CALCRL: variants seen among roughly 807,000 people sequenced by gnomAD.
CALCRL encodes calcitonin receptor like receptor.
A neutral mutation model predicts 60.4 loss-of-function variants in CALCRL; 27 were observed. The ratio of observed to expected loss-of-function variants is 0.45; its 90% CI spans 0.33 to 0.62. The LOEUF (loss-of-function observed/expected upper bound fraction) is 0.62. Among genes scored for constraint, CALCRL ranks in the 20% least tolerant of loss-of-function variants. CALCRL has a pLI of 0.03. For missense variants in CALCRL, 424 were observed against 540.7 expected (o/e 0.78, Z 2.14); for synonymous variants, 190 against 182.6 (o/e 1.04, Z -0.33).
chr2:187,437,026 A>T (rs1306782265), intron 1 of CALCRL, among the ~76,000 whole-genome samples: 1 of 152,102 alleles, frequency 6.6e-6, no homozygotes, highest in Non-Finnish European at 1.5e-5. Context: ...GTTTGGATAT[A>T]CTTTGTTCTG....
intron 1 of CALCRL, among the ~76,000 whole-genome samples, chr2:187,422,721 G>A (rs1030906082): frequency 6.6e-6 from 1 of 151,772 alleles, no homozygotes; most frequent in East Asian, 1.9e-4. Flanking sequence ...ACATTGTGTT[G>A]CTGATAACTT....
intron 1 of CALCRL, among the ~76,000 whole-genome samples, chr2:187,404,947 T>A (rs1689053123): frequency 6.6e-6 from 1 of 151,734 alleles, no homozygotes. Flanking sequence ...AGAGCACAGG[T>A]TTCACACGGA....
chr2:187,408,760 C>G (rs1689237217), intron 1 of CALCRL, among the ~76,000 whole-genome samples: 1 of 151,894 alleles, frequency 6.6e-6, no homozygotes, highest in Admixed American at 6.6e-5. Context: ...AATTTAATAA[C>G]TGTACAGTGG....
At position 187,356,287 on chromosome 2, in the gene CALCRL, G is replaced by C. The variant is rs150519940; in HGVS notation, c.909+2776C>G. Among the ~76,000 whole-genome samples, 1,214 of 152,278 alleles carry C rather than the reference G, an allele frequency of 8.0e-3. 4 individuals are homozygous for C. Among genetic ancestry groups the C allele is most frequent in the Non-Finnish European group, 0.013 (868 of 68,022 alleles). ...AAGGCCACATTAGCCAAAACAGCAT[G>C]GTACTGGTACCAAAACAGATACATA... On this transcript the variant is annotated intron_variant, in intron 12 of 14. Transcript: ENST00000392370.
chr2:187,442,145 CAT>C (rs1690949086), intron 1 of CALCRL: 2 of 147,414 alleles, frequency 1.4e-5, no homozygotes. Flanking sequence ...TACACACACA[CAT>C]ACATACACAC....
At chr2:187,390,199 C>T (rs896516114) in intron 1 of CALCRL, among the ~76,000 whole-genome samples, 1 of 152,018 alleles carries the variant, frequency 6.6e-6, no homozygotes, top group Non-Finnish European at 1.5e-5. Flanking sequence ...GTTAAATAAA[C>T]AGTAGTTTTC....
intron 1 of CALCRL, among the ~76,000 whole-genome samples, chr2:187,402,237 T>C (rs1158194104): frequency 6.6e-6 from 1 of 151,794 alleles, no homozygotes. Flanking sequence ...CCAAAAGTTA[T>C]ATTAAGTTCT....
At chr2:187,375,263 A>G (rs912677988) in intron 8 of CALCRL, among the ~76,000 whole-genome samples, 4 of 123,656 alleles carry the variant, frequency 3.2e-5, no homozygotes, top group African/African-American at 1.3e-4. Context: ...TGGGCGACAG[A>G]GCGAGACTCC....
At chr2:187,423,414 G>T (rs1689974717) in intron 1 of CALCRL, among the ~76,000 whole-genome samples, 1 of 149,762 alleles carries the variant, frequency 6.7e-6, no homozygotes. Flanking sequence ...CACCAAATAT[G>T]GTATCAAATA....
At position 187,434,442 on chromosome 2, in the gene CALCRL, A is replaced by C. The variant is rs139537657; in HGVS notation, c.-293+13597T>G. ...CAGATTAAAACCACAATGAGATGCT[A>C]TGTTACACTCAGCAGACTAGCAACA... is the stretch of plus-strand genomic sequence containing the variant. On this transcript the variant is annotated intron_variant, in intron 1 of 14. Transcript: ENST00000392370. 1.8e-3 allele frequency among the ~76,000 whole-genome samples: 279 copies of C among 152,298 alleles called. 1 individual carries two copies. Among genetic ancestry groups the C allele is most frequent in the African/African-American group, 6.5e-3 (272 of 41,582 alleles).
chr2:187,411,335 C>T (rs1163360432), intron 1 of CALCRL, among the ~76,000 whole-genome samples: 2 of 152,122 alleles, frequency 1.3e-5, no homozygotes, highest in African/African-American at 4.8e-5. Flanking sequence ...AGTGTATGTA[C>T]TAACCATGCT....
intron 1 of CALCRL, among the ~76,000 whole-genome samples, chr2:187,393,790 A>C (rs1688547965): frequency 6.6e-6 from 1 of 152,078 alleles, no homozygotes; most frequent in Non-Finnish European, 1.5e-5. Flanking sequence ...TTCTACTCCA[A>C]AAATTTCTGA....
At chr2:187,423,217 A>C (rs1310811828) in intron 1 of CALCRL, among the ~76,000 whole-genome samples, 1 of 152,102 alleles carries the variant, frequency 6.6e-6, no homozygotes, top group Non-Finnish European at 1.5e-5. Flanking sequence ...TTCAAAATGC[A>C]AACCAGAATG....
At chr2:187,411,978 CAAA>C (rs56075258) in intron 1 of CALCRL, among the ~76,000 whole-genome samples, 2 of 61,486 alleles carry the variant, frequency 3.3e-5, no homozygotes. Context: ...GACTCTGTCT[CAAA>C]AAAAAAAAAA....
Position 187,386,130 on chromosome 2 carries a change from T to TACAG in CALCRL, c.-36-500_-36-499insCTGT, listed in dbSNP as rs1559054882. On this transcript the variant is annotated intron_variant, in intron 3 of 14. Transcript: ENST00000392370. ...TAGACTTACAAACAGAAAAACTTCT[T>TACAG]ATAGATAGATAGATAGATAAGTAAT... 4.2e-4 allele frequency among the ~76,000 whole-genome samples: 22 copies of TACAG among 51,834 alleles called. No homozygotes were observed. The Admixed American group carries it at 4.3e-3, about 10-fold the overall frequency. 34.0% of individuals were successfully genotyped at this position (51,834 alleles called of 152,430 possible). A position where few individuals can be genotyped will look rare whatever the true frequency, so the allele number is the denominator to read the frequency against.
At chr2:187,348,379 G>A (rs554479888) in intron 14 of CALCRL, among the ~76,000 whole-genome samples, 2 of 151,706 alleles carry the variant, frequency 1.3e-5, no homozygotes, top group African/African-American at 4.8e-5. Flanking sequence ...ACTAAATGCT[G>A]AATTGGTTGA....
chr2:187,427,240 G>C (rs1193897938), intron 1 of CALCRL, among the ~76,000 whole-genome samples: 2 of 152,200 alleles, frequency 1.3e-5, no homozygotes, highest in Non-Finnish European at 2.9e-5. Context: ...ATCAAATCGA[G>C]TTTGAGAATC....
At chr2:187,355,053 A>G (rs948814928) in intron 12 of CALCRL, among the ~76,000 whole-genome samples, 1 of 152,024 alleles carries the variant, frequency 6.6e-6, no homozygotes, top group African/African-American at 2.4e-5. Flanking sequence ...CTTGGAAGGC[A>G]TTTTTTCAAG....
intron 1 of CALCRL, among the ~76,000 whole-genome samples, chr2:187,403,492 A>G (rs1688986052): frequency 6.6e-6 from 1 of 151,974 alleles, no homozygotes; most frequent in Non-Finnish European, 1.5e-5. Context: ...GAAAGGTGAC[A>G]TTTTGTTTGG....
Sources: gnomAD v4.1 joint callset for allele counts (sites outside exome capture counted in the v4.1 genomes callset) on GRCh38, gnomAD v4.1.1 for gene constraint, MANE v1.5 for transcripts, NCBI Gene and HGNC (gene_info 2026-07-23, HGNC 2026-07-21) for gene names.